Variants in RBMS3 observed in about 807,000 individuals in gnomAD.
RBMS3 encodes RNA binding motif single stranded interacting protein 3, also known as RNA-binding motif, single-stranded-interacting protein 3.
In RBMS3, 27 loss-of-function variants were observed where a neutral mutation model predicts 66.8. That is an observed-to-expected ratio of 0.40 (90% CI 0.30 to 0.56). The LOEUF is 0.56. Ranked by LOEUF, RBMS3 falls within the 20% of genes least tolerant of loss-of-function variation. The probability of loss-of-function intolerance (pLI) is 0.40; values close to 1 mark genes in which losing one functional copy is unlikely to be tolerated. For synonymous variants in RBMS3, 188 were observed against 183.0 expected, an observed-to-expected ratio of 1.03 and a Z score of -0.22; for missense variants, 513 against 549.5, an observed-to-expected ratio of 0.93 and a Z score of 0.66.
chr3:29,824,687 G>T (rs2058160495), intron 6 of RBMS3, among the ~76,000 whole-genome samples: 1 of 152,132 alleles, frequency 6.6e-6, no homozygotes, highest in African/African-American at 2.4e-5. Context: ...GATGGTGAGG[G>T]TTATATGTGT....
intron 10 of RBMS3, among the ~76,000 whole-genome samples, chr3:29,918,824 GA>G: frequency 6.6e-6 from 1 of 151,898 alleles, no homozygotes; most frequent in Non-Finnish European, 1.5e-5. Flanking sequence ...TTTTTAAGAT[GA>G]GACTTTTTTT....
At chr3:29,511,797 C>G (rs938704283) in intron 3 of RBMS3, among the ~76,000 whole-genome samples, 1 of 151,450 alleles carries the variant, frequency 6.6e-6, no homozygotes, top group Non-Finnish European at 1.5e-5. Context: ...TTGAAGGATC[C>G]AATTGTGTCT....
chr3:29,418,101 G>T (rs1342380814), intron 1 of RBMS3, among the ~76,000 whole-genome samples: 1 of 151,980 alleles, frequency 6.6e-6, no homozygotes, highest in Admixed American at 6.6e-5. Flanking sequence ...ATATTGATTG[G>T]TCACTAAAAC....
chr3:29,849,123 T>C (rs1047279652), intron 6 of RBMS3, among the ~76,000 whole-genome samples: 2 of 151,512 alleles, frequency 1.3e-5, no homozygotes, highest in Admixed American at 6.6e-5. Flanking sequence ...CTTTCACACA[T>C]ACTTATGCAC....
At chr3:29,683,179 C>T (rs993969279) in intron 4 of RBMS3, among the ~76,000 whole-genome samples, 1 of 152,150 alleles carries the variant, frequency 6.6e-6, no homozygotes, top group Admixed American at 6.5e-5. Flanking sequence ...TCCTCATAGC[C>T]TCCATGTGAT....
In RBMS3 at chr3:29,614,288, A is replaced by C. The variant is rs563036936; in HGVS notation, c.399+27083A>C. The C allele has an allele frequency of 1.6e-4, 24 of 152,268 alleles. No homozygotes were observed. In the South Asian group the frequency reaches 5.0e-3, roughly 32 times the overall value. The allele number at this position is 152,268 out of a possible 1,614,324, so 9.4% of individuals were successfully genotyped here. ...GAAAAAGCATAAGAGCAGAGAGTAGAATGATGGTCGCAAAAGGCTGAAGGA... is the reference window on the plus strand; with the variant it reads ...GAAAAAGCATAAGAGCAGAGAGTAGCATGATGGTCGCAAAAGGCTGAAGGA... On this transcript the variant is annotated intron_variant, in intron 4 of 14. Transcript: ENST00000383767.
chr3:29,643,830 T>C (rs1283831665), intron 4 of RBMS3, among the ~76,000 whole-genome samples: 2 of 152,306 alleles, frequency 1.3e-5, no homozygotes, highest in East Asian at 3.9e-4. Context: ...GTCTCATTTC[T>C]GTAATCACAA....
At chr3:29,990,185 A>ATTAGGAAAGAAAAGATTG (rs1226039721) in intron 13 of RBMS3, among the ~76,000 whole-genome samples, 2 of 147,272 alleles carry the variant, frequency 1.4e-5, no homozygotes, top group African/African-American at 4.9e-5. Flanking sequence ...CAAATAGTAA[A>ATTAGGAAAGAAAAGATTG]TTAGGAAAGA....
intron 4 of RBMS3, among the ~76,000 whole-genome samples, chr3:29,727,516 G>GA (rs1231754561): frequency 6.6e-6 from 1 of 151,588 alleles, no homozygotes; most frequent in Admixed American, 6.6e-5. Context: ...AAATTTACAA[G>GA]AAAAAAACAA....
intron 6 of RBMS3, among the ~76,000 whole-genome samples, chr3:29,824,734 A>C (rs1420600385): frequency 6.6e-6 from 1 of 152,224 alleles, no homozygotes; most frequent in African/African-American, 2.4e-5. Flanking sequence ...GTAAACCTAT[A>C]TAACAAATTC....
intron 10 of RBMS3, among the ~76,000 whole-genome samples, chr3:29,912,382 C>T (rs924589235): frequency 2.0e-5 from 3 of 151,892 alleles, no homozygotes; most frequent in Non-Finnish European, 1.5e-5. Flanking sequence ...GAAATCAAAC[C>T]CAACTTATTA....
intron 3 of RBMS3, among the ~76,000 whole-genome samples, chr3:29,556,056 A>G (rs2046350854): frequency 6.6e-6 from 1 of 152,228 alleles, no homozygotes; most frequent in Non-Finnish European, 1.5e-5. Flanking sequence ...GATTAGCTAC[A>G]TTAAAGATTT....
chr3:29,503,012 C>G (rs1324588568), intron 3 of RBMS3, among the ~76,000 whole-genome samples: 2 of 152,078 alleles, frequency 1.3e-5, no homozygotes, highest in Non-Finnish European at 2.9e-5. Context: ...CACTCTATCC[C>G]AATTACTTAC....
intron 6 of RBMS3, among the ~76,000 whole-genome samples, chr3:29,816,952 A>G (rs1163383858): frequency 1.3e-5 from 2 of 151,954 alleles, no homozygotes; most frequent in Non-Finnish European, 2.9e-5. Context: ...TTAGCCGGGC[A>G]TGGTGGTGCA....
intron 1 of RBMS3, among the ~76,000 whole-genome samples, chr3:29,330,610 C>T (rs1477967298): frequency 1.3e-5 from 2 of 152,088 alleles, no homozygotes; most frequent in African/African-American, 2.4e-5. Context: ...CCCTTGGCAG[C>T]CCTCCCTATT....
chr3:29,313,589 C>T (rs1261270425), intron 1 of RBMS3, among the ~76,000 whole-genome samples: 1 of 151,624 alleles, frequency 6.6e-6, no homozygotes, highest in African/African-American at 2.4e-5. Flanking sequence ...ACGGCTGCCC[C>T]TTAAGTTTTC....
chr3:29,807,224 T>C (rs2057582113), intron 6 of RBMS3, among the ~76,000 whole-genome samples: 1 of 151,968 alleles, frequency 6.6e-6, no homozygotes, highest in Admixed American at 6.6e-5. Flanking sequence ...CATTGCAACA[T>C]GACAAAAATG....
At chr3:29,503,171 T>G (rs79727430) in intron 3 of RBMS3, among the ~76,000 whole-genome samples, 2,421 of 152,270 alleles carry the variant, frequency 0.016, 26 homozygotes, top group Admixed American at 0.036. Flanking sequence ...CAAAGACTTT[T>G]ATGTTTTGAA....
intron 4 of RBMS3, among the ~76,000 whole-genome samples, chr3:29,684,456 C>T (rs2051627074): frequency 6.6e-6 from 1 of 152,122 alleles, no homozygotes; most frequent in South Asian, 2.1e-4. Context: ...ATGGCTGTAT[C>T]ATTTATGGAA....
Sources: gnomAD v4.1 joint callset for allele counts (sites outside exome capture counted in the v4.1 genomes callset) on GRCh38, gnomAD v4.1.1 for gene constraint, MANE v1.5 for transcripts, NCBI Gene and HGNC (gene_info 2026-07-23, HGNC 2026-07-21) for gene names.